Variants in POLR3B observed in about 807,000 individuals in gnomAD.
POLR3B encodes RNA polymerase III subunit B.
Under a neutral mutation model 147.4 loss-of-function variants are expected in POLR3B, and 96 were observed. That is an observed-to-expected ratio of 0.65 (90% confidence interval 0.55 to 0.77). The LOEUF (loss-of-function observed/expected upper bound fraction) is 0.77, where lower values mean the gene tolerates loss of function less well. Ranked by LOEUF, POLR3B falls within the 30% of genes least tolerant of loss-of-function variation. The pLI is 0.00. For synonymous variants in POLR3B, 461 were observed against 485.9 expected (o/e 0.95, Z 0.67); for missense variants, 1,036 against 1,413.5 (o/e 0.73, Z 4.28).
intron 20 of POLR3B, 98 bp from the exon 21 acceptor site, chr12:106,457,040 A>T: frequency 2.0e-6 from 2 of 979,242 alleles, no homozygotes; most frequent in South Asian, 2.6e-5. Context: ...GATTTGGGGG[A>T]GGGTGAGGTG....
chr12:106,404,521 G>A (rs1457845589), intron 10 of POLR3B, among the ~76,000 whole-genome samples: 1 of 152,132 alleles, frequency 6.6e-6, no homozygotes, highest in Non-Finnish European at 1.5e-5. Context: ...GGTAACAAAT[G>A]ATGTTGAGCC....
chr12:106,454,518 C>T lies in POLR3B; in HGVS notation c.2100C>T (p.Asn700=). ...GKQAMGTIGY[N]QRNRIDTLMY... is the part of the protein sequence containing the mutation. ...TCAATGCAGGTACTATAGGATACAA[C>T]CAGCGAAACAGAATTGATACTCTCA... is the stretch of plus-strand genomic sequence containing the variant. Residue 700 remains asparagine, a synonymous_variant, in exon 20 of 28, where the codon AAC becomes AAT. Coordinates refer to ENST00000228347, the MANE Select transcript of POLR3B (RefSeq NM_018082.6). The T allele has an allele frequency of 6.3e-7, 1 of 1,583,660 alleles. No individual in the cohort carries two copies. The highest frequency in any genetic ancestry group is 1.1e-5 in the South Asian group (1 of 90,528).
intron 18 of POLR3B, 61 bp downstream of exon 18, chr12:106,437,840 C>A: frequency 2.3e-6 from 2 of 875,280 alleles, no homozygotes; most frequent in South Asian, 2.7e-5. Context: ...ACTACCTTCT[C>A]TTTTACTGTC....
intron 10 of POLR3B, among the ~76,000 whole-genome samples, chr12:106,393,767 TACACACACACACAC>T (rs34402190): frequency 2.3e-5 from 3 of 127,910 alleles, no homozygotes; most frequent in Admixed American, 7.9e-5. Flanking sequence ...GACTGAGAAA[TACACACACACACAC>T]ACACACACAC....
rs554867509 is a variant in POLR3B, at chr12:106,449,402, G to A, written c.2083+4812G>A. On this transcript the variant is annotated intron_variant, in intron 19 of 27. Coordinates refer to ENST00000228347, the MANE Select transcript of POLR3B (RefSeq NM_018082.6). Reference sequence around the variant, plus strand: ...CTGCAGTTGACTCTTGAACAACACAGAGGTTAGGAGCACCAACTCCTCTCA... The same window carrying A: ...CTGCAGTTGACTCTTGAACAACACAAAGGTTAGGAGCACCAACTCCTCTCA... Among the ~76,000 whole-genome samples the A allele has an allele frequency of 5.3e-5, 8 of 152,182 alleles. No individual in the cohort carries two copies. In the South Asian group the frequency reaches 1.7e-3, roughly 32 times the overall value.
chr12:106,430,212 A>G, intron 13 of POLR3B, 61 bp from the exon 14 acceptor site: 2 of 1,290,982 alleles, frequency 1.5e-6, no homozygotes, highest in Non-Finnish European at 1.1e-6. Flanking sequence ...GAGTGACCGC[A>G]CGGTATCAGA....
chr12:106,374,737 C>T (rs150275613), intron 6 of POLR3B, among the ~76,000 whole-genome samples: 154 of 152,136 alleles, frequency 1.0e-3, no homozygotes, highest in African/African-American at 2.7e-3. Context: ...AGGATGGTCT[C>T]GATCCCTTGA....
At chr12:106,487,245 G>A (rs895476920) in intron 23 of POLR3B, among the ~76,000 whole-genome samples, 2 of 152,190 alleles carry the variant, frequency 1.3e-5, no homozygotes, top group Non-Finnish European at 1.5e-5. Context: ...GTCACACCAC[G>A]ATTCCTGCAG....
intron 18 of POLR3B, among the ~76,000 whole-genome samples, chr12:106,443,816 C>T (rs374061531): frequency 1.4e-4 from 20 of 146,470 alleles, no homozygotes; most frequent in African/African-American, 4.3e-4. Flanking sequence ...CCACTGCATC[C>T]GGCCTATAGT....
intron 22 of POLR3B, among the ~76,000 whole-genome samples, chr12:106,462,945 T>TA (rs368349153): frequency 6.6e-6 from 1 of 152,142 alleles, no homozygotes; most frequent in Non-Finnish European, 1.5e-5. Context: ...TTACTGCACT[T>TA]ACCTGTCTCC....
At chr12:106,482,306 A>G (rs546923006) in intron 23 of POLR3B, among the ~76,000 whole-genome samples, 147 of 152,318 alleles carry the variant, frequency 9.7e-4, no homozygotes, top group African/African-American at 3.4e-3. Context: ...TTGTTGGCTA[A>G]CTTAGTGTGT....
chr12:106,470,776 C>T (rs758814962), intron 23 of POLR3B, among the ~76,000 whole-genome samples: 4 of 152,100 alleles, frequency 2.6e-5, no homozygotes, highest in Non-Finnish European at 5.9e-5. Context: ...GCCTGGGTAT[C>T]ACCAATGGAG....
At chr12:106,420,014 A>G (rs1025117858) in intron 12 of POLR3B, among the ~76,000 whole-genome samples, 13 of 151,878 alleles carry the variant, frequency 8.6e-5, no homozygotes, top group Non-Finnish European at 1.6e-4. Flanking sequence ...GTTCTGCTAG[A>G]GGTTGGTGGG....
At chr12:106,407,384 A>G (rs764792775) in intron 11 of POLR3B, among the ~76,000 whole-genome samples, 8 of 152,190 alleles carry the variant, frequency 5.3e-5, no homozygotes, top group African/African-American at 9.6e-5. Flanking sequence ...ATTCGGAGAT[A>G]TAATATACGT....
chr12:106,503,060 T>C (rs1239128864), intron 26 of POLR3B, among the ~76,000 whole-genome samples: 1 of 152,226 alleles, frequency 6.6e-6, no homozygotes, highest in African/African-American at 2.4e-5. Context: ...CTTTACCTCG[T>C]TCACTGACCT....
In POLR3B at chr12:106,375,215, C is replaced by T. The variant is rs78576236; in HGVS notation, c.405-1144C>T. Among the ~76,000 whole-genome samples, 1,036 of 152,324 alleles carry T rather than the reference C, an allele frequency of 6.8e-3. 18 individuals carry two copies. The highest frequency in any genetic ancestry group is 0.024 in the African/African-American group (996 of 41,578). On this transcript the variant is annotated intron_variant, in intron 6 of 27. Transcript: ENST00000228347. ...GTGAAGTTATTGTGCATCCAGTCAT[C>T]CTTCCCTTTTTGGTAGCCTCTCTTT...
intron 10 of POLR3B, among the ~76,000 whole-genome samples, chr12:106,397,924 C>T (rs1249909391): frequency 6.6e-6 from 1 of 152,186 alleles, no homozygotes; most frequent in Admixed American, 6.5e-5. Flanking sequence ...GTGAACGACG[C>T]ACTAAGACGG....
intron 23 of POLR3B, among the ~76,000 whole-genome samples, chr12:106,466,884 C>A (rs7971581): frequency 0.34 from 50,998 of 151,986 alleles, 11,359 homozygotes; most frequent in African/African-American, 0.63. Flanking sequence ...GTCAGGTAGC[C>A]TGATGCCTCC....
intron 23 of POLR3B, among the ~76,000 whole-genome samples, chr12:106,481,704 C>T (rs559037362): frequency 6.6e-6 from 1 of 152,300 alleles, no homozygotes; most frequent in African/African-American, 2.4e-5. Context: ...TTTTTAAACT[C>T]AGTGAAGTTT....
Sources: gnomAD v4.1 joint callset for allele counts (sites outside exome capture counted in the v4.1 genomes callset) on GRCh38, gnomAD v4.1.1 for gene constraint, MANE v1.5 for transcripts, NCBI Gene and HGNC (gene_info 2026-07-23, HGNC 2026-07-21) for gene names.